Variants in SORCS2 observed in about 807,000 individuals in gnomAD.
SORCS2 encodes the protein VPS10 domain-containing receptor SorCS2.
Under a neutral mutation model 141.6 loss-of-function variants are expected in SORCS2, and 100 were observed. The ratio of observed to expected loss-of-function variants is 0.71; its 90% CI spans 0.60 to 0.83. The LOEUF (loss-of-function observed/expected upper bound fraction) is 0.83. Among genes scored for constraint, SORCS2 ranks in the 40% least tolerant of loss-of-function variants. The probability of loss-of-function intolerance (pLI) is 0.00; values close to 1 mark genes in which losing one functional copy is unlikely to be tolerated. For missense variants in SORCS2, 1,646 were observed against 1,560.2 expected, an observed-to-expected ratio of 1.05 and a Z score of -0.93; for synonymous variants, 789 against 676.9, an observed-to-expected ratio of 1.17 and a Z score of -2.57.
At position 7,689,381 on chromosome 4, in the gene SORCS2, C is replaced by T. The variant is rs1020950167; in HGVS notation, c.1489-105C>T. 4.1e-5 allele frequency: 44 copies of T among 1,069,820 alleles called. No homozygotes were observed. The African/African-American group carries it at 5.6e-4, about 14-fold the overall frequency. The allele number at this position is 1,069,820 out of a possible 1,614,324, so 66.3% of individuals were successfully genotyped here. A position where few individuals can be genotyped will look rare whatever the true frequency, so the allele number is the denominator to read the frequency against. On this transcript the variant is annotated intron_variant, in intron 10 of 26. Transcript: ENST00000507866. ...TCCTCCAAGGCACTCCTGGCCCAGC[C>T]TTCTCTCCCAAAAAGCCACAGGGGC... is the stretch of plus-strand genomic sequence containing the variant.
chr4:7,552,980 G>A (rs867252096), intron 3 of SORCS2, among the ~76,000 whole-genome samples: 1 of 152,194 alleles, frequency 6.6e-6, no homozygotes, highest in African/African-American at 2.4e-5. Flanking sequence ...AGCGAGGAGT[G>A]GGGGTGGAGT....
chr4:7,254,101 G>A (rs866398862), intron 1 of SORCS2, among the ~76,000 whole-genome samples: 2 of 152,208 alleles, frequency 1.3e-5, no homozygotes, highest in Non-Finnish European at 2.9e-5. Flanking sequence ...CAGCCACTGT[G>A]GAAAACAGTA....
intron 19 of SORCS2, among the ~76,000 whole-genome samples, chr4:7,724,447 GTGGTGGTGATGGTGGTGGTGATGGTGA>G (rs1226614150): frequency 2.2e-5 from 3 of 136,540 alleles, no homozygotes; most frequent in African/African-American, 6.1e-5. Context: ...GGTGACAATG[GTGGTGGTGATGGTGGTGGTGATGGTGA>G]TGGTGGTGAT....
At chr4:7,691,486 A>C (rs1026049034) in intron 11 of SORCS2, among the ~76,000 whole-genome samples, 1 of 152,004 alleles carries the variant, frequency 6.6e-6, no homozygotes, top group Non-Finnish European at 1.5e-5. Flanking sequence ...GGGAGCTTGG[A>C]GCTTTGCACC....
At chr4:7,416,867 C>G (rs912674984) in intron 2 of SORCS2, among the ~76,000 whole-genome samples, 1 of 152,108 alleles carries the variant, frequency 6.6e-6, no homozygotes, top group Non-Finnish European at 1.5e-5. Flanking sequence ...CACACTTGTG[C>G]ATGCTCAGAC....
intron 3 of SORCS2, among the ~76,000 whole-genome samples, chr4:7,562,352 G>A (rs527530647): frequency 2.0e-5 from 3 of 152,104 alleles, no homozygotes; most frequent in South Asian, 4.1e-4. Context: ...TGGTCAGTGA[G>A]TGAGACTGAG....
At chr4:7,327,014 C>A (rs1719309128) in intron 1 of SORCS2, among the ~76,000 whole-genome samples, 1 of 152,230 alleles carries the variant, frequency 6.6e-6, no homozygotes, top group Non-Finnish European at 1.5e-5. Flanking sequence ...AGCTGCTTGG[C>A]AAGTCCTCCC....
chr4:7,351,675 T>TTCCATCCA (rs1425949207), intron 1 of SORCS2, among the ~76,000 whole-genome samples: 2 of 150,384 alleles, frequency 1.3e-5, no homozygotes, highest in Non-Finnish European at 3.0e-5. Context: ...TCTCCCTCTC[T>TTCCATCCA]TCCATCCGTC....
At chr4:7,341,593 G>T (rs578027439) in intron 1 of SORCS2, among the ~76,000 whole-genome samples, 7 of 152,362 alleles carry the variant, frequency 4.6e-5, no homozygotes, top group African/African-American at 1.7e-4. Flanking sequence ...TGTGAGGCCA[G>T]AGGGCTCTGT....
chr4:7,199,184 C>T (rs774340744), intron 1 of SORCS2, among the ~76,000 whole-genome samples: 1 of 152,170 alleles, frequency 6.6e-6, no homozygotes, highest in South Asian at 2.1e-4. Context: ...CCCTGGGGTG[C>T]AGAGGAAGGG....
In SORCS2 at chr4:7,737,013, G is replaced by A. The variant is rs1000099345; in HGVS notation, c.3312-56G>A. 2.3e-5 allele frequency: 36 copies of A among 1,545,638 alleles called. No homozygotes were observed. In the Admixed American group the frequency reaches 3.7e-4, roughly 16 times the overall value. On this transcript the variant is annotated intron_variant, in intron 25 of 26. Transcript: ENST00000507866. Reference sequence around the variant, plus strand: ...CAGGCGGCCAGCGGAAGGCTCCAGGGACAGGCGGCCTGGGAAGCCCCTCCA... The same window carrying A: ...CAGGCGGCCAGCGGAAGGCTCCAGGAACAGGCGGCCTGGGAAGCCCCTCCA...
intron 1 of SORCS2, among the ~76,000 whole-genome samples, chr4:7,229,135 C>A (rs2108772935): frequency 6.6e-6 from 1 of 152,268 alleles, no homozygotes; most frequent in Non-Finnish European, 1.5e-5. Flanking sequence ...GTCCTTTCTA[C>A]TTTTGGGTAT....
chr4:7,673,708 G>A (rs1488180591), intron 8 of SORCS2, among the ~76,000 whole-genome samples: 1 of 152,144 alleles, frequency 6.6e-6, no homozygotes, highest in Non-Finnish European at 1.5e-5. Context: ...TTTACCCAAT[G>A]CATTTACCCA....
At chr4:7,644,164 T>C (rs938870322) in intron 4 of SORCS2, among the ~76,000 whole-genome samples, 1 of 152,138 alleles carries the variant, frequency 6.6e-6, no homozygotes, top group Middle Eastern at 3.2e-3. Flanking sequence ...AAGCCTGCAG[T>C]GTAGACCCAC....
chr4:7,401,939 T>G (rs62277574), intron 2 of SORCS2, among the ~76,000 whole-genome samples: 22,365 of 152,196 alleles, frequency 0.15, 1,793 homozygotes, highest in Non-Finnish European at 0.18. Context: ...GAAAAGTACC[T>G]ACCATGGTAG....
At position 7,334,343 on chromosome 4, in the gene SORCS2, C is replaced by G. The variant is rs112118347; in HGVS notation, c.481-61945C>G. On this transcript the variant is annotated intron_variant, in intron 1 of 26. Coordinates refer to ENST00000507866, the MANE Select transcript of SORCS2 (RefSeq NM_020777.3). ...CCATCACCTGGCACCTGGCGCTCCC[C>G]TACACTCCTCCCTGTCCCCCTGGTC... Among the ~76,000 whole-genome samples, 86 of 152,246 alleles carry G rather than the reference C, an allele frequency of 5.6e-4. 2 individuals are homozygous for G. Among genetic ancestry groups the G allele is most frequent in the African/African-American group, 2.0e-3 (84 of 41,550 alleles).
chr4:7,346,554 G>A (rs1377642871), intron 1 of SORCS2, among the ~76,000 whole-genome samples: 1 of 152,288 alleles, frequency 6.6e-6, no homozygotes, highest in East Asian at 1.9e-4. Context: ...ACTAGGTTAA[G>A]TCAGTTGATA....
At chr4:7,232,974 C>T (rs1344604622) in intron 1 of SORCS2, among the ~76,000 whole-genome samples, 2 of 152,176 alleles carry the variant, frequency 1.3e-5, no homozygotes, top group Non-Finnish European at 2.9e-5. Context: ...CAGTGATGGG[C>T]GCAGTGTAGG....
At chr4:7,527,420 G>C (rs900447936) in intron 2 of SORCS2, among the ~76,000 whole-genome samples, 1 of 152,234 alleles carries the variant, frequency 6.6e-6, no homozygotes, top group Non-Finnish European at 1.5e-5. Flanking sequence ...CGCTGTGACG[G>C]GAGGCTGTGA....
Sources: gnomAD v4.1 joint callset for allele counts (sites outside exome capture counted in the v4.1 genomes callset) on GRCh38, gnomAD v4.1.1 for gene constraint, MANE v1.5 for transcripts, NCBI Gene and HGNC (gene_info 2026-07-23, HGNC 2026-07-21) for gene names.